ARAP3: variants seen among roughly 807,000 people sequenced by gnomAD.
The protein encoded by ARAP3 is arf-GAP with Rho-GAP domain, ANK repeat and PH domain-containing protein 3.
A neutral mutation model predicts 169.2 loss-of-function variants in ARAP3; 82 were observed. The observed-to-expected ratio is 0.48, with a 90% CI of 0.41 to 0.58. ARAP3 has a LOEUF of 0.58. ARAP3 is among the 20% of genes least tolerant of loss of function. The pLI is 0.00. For missense variants in ARAP3, 1,764 were observed against 2,018.0 expected (o/e 0.87, Z 2.41); for synonymous variants, 791 against 800.3 (o/e 0.99, Z 0.20).
At chr5:141,665,513 C>G (rs569863644) in intron 17 of ARAP3, 139 bp from the exon 18 acceptor site, 1 of 793,870 alleles carries the variant, frequency 1.3e-6, no homozygotes, top group African/African-American at 1.7e-5. Flanking sequence ...GAGTTATGTA[C>G]TATTATTCCC....
chr5:141,662,211 G>A lies in ARAP3; in HGVS notation c.2845C>T (p.Arg949Cys), dbSNP rs1054559355. ...AACTCAGCCAGGAGTCTCAGGCTGC[G>A]GGCACGAGCGCCCCCTTTCCGGTAT... ...GVYRKGGARA[R>C]SLRLLAEFRR... Residue 949 changes from arginine to cysteine, a missense_variant, in exon 20 of 33, where the codon CGC becomes TGC. Arg to Cys is a radical substitution (Grantham distance 180, BLOSUM62 -3). Transcript: ENST00000239440. 21 of 1,614,078 alleles carry A rather than the reference G, an allele frequency of 1.3e-5. No homozygotes were observed. The highest frequency in any genetic ancestry group is 3.3e-5 in the Admixed American group (2 of 60,004).
At position 141,669,800 on chromosome 5, in the gene ARAP3, G is replaced by GA. The variant is rs775041679; in HGVS notation, c.2260dup (p.Ser754PhefsTer3). ...CCCCCCAGCGAGGATGAGCTCAAAG[G>GA]AAAAGGGGAACCTGGAGAGAAGATG... On this transcript the variant is annotated frameshift_variant, in exon 16 of 33. Coordinates refer to ENST00000239440, the MANE Select transcript of ARAP3 (RefSeq NM_022481.6). LOFTEE classifies it high-confidence loss of function. The GA allele has an allele frequency of 6.2e-7, 1 of 1,614,150 alleles. No homozygotes were observed. The highest frequency in any genetic ancestry group is 1.3e-5 in the African/African-American group (1 of 75,042).
chr5:141,662,925 A>G (rs2099910158), intron 19 of ARAP3, among the ~76,000 whole-genome samples: 1 of 152,210 alleles, frequency 6.6e-6, no homozygotes, highest in African/African-American at 2.4e-5. Context: ...TATATATAAA[A>G]TAAGGTCTCT....
rs1562398900 is a variant in ARAP3, at chr5:141,653,566, A to G, written c.*384T>C. The G allele has an allele frequency of 6.2e-6, 1 of 160,886 alleles. No homozygotes were observed. The highest frequency in any genetic ancestry group is 1.4e-5 in the Non-Finnish European group (1 of 73,982). The allele number at this position is 160,886 out of a possible 1,614,324, so 10.0% of individuals were successfully genotyped here. ...CACCCAGGCCTCTGGTTTCCAAAGCATTTTTTTTCTTTAATGCAGTAAAAC... is the reference window on the plus strand; with the variant it reads ...CACCCAGGCCTCTGGTTTCCAAAGCGTTTTTTTTCTTTAATGCAGTAAAAC... On this transcript the variant is annotated 3_prime_UTR_variant, in exon 33 of 33. Transcript: ENST00000239440.
chr5:141,656,394 G>A, intron 27 of ARAP3, 110 bp downstream of exon 27: 2 of 1,588,090 alleles, frequency 1.3e-6, no homozygotes, highest in African/African-American at 1.3e-5. Flanking sequence ...CGGGGGCAGG[G>A]AAGCAATGAG....
chr5:141,667,621 G>T (rs2099910844), intron 16 of ARAP3, among the ~76,000 whole-genome samples: 1 of 150,174 alleles, frequency 6.7e-6, no homozygotes, highest in South Asian at 2.1e-4. Context: ...TAGAGACGGG[G>T]TTTCACCATG....
Position 141,672,343 on chromosome 5 carries a change from C to T in ARAP3, c.1386-42G>A, listed in dbSNP as rs1224335210. On this transcript the variant is annotated intron_variant, in intron 9 of 32. Transcript: ENST00000239440. This position sits in a 1 kb window ranked among gnomAD's most constrained non-coding sequence, Gnocchi z 4.9. ...CAGTCCATGGGCATGGACCTACCTGCCATGTCCCATCCCCCTGGCTCTTCC... is the reference window on the plus strand; with the variant it reads ...CAGTCCATGGGCATGGACCTACCTGTCATGTCCCATCCCCCTGGCTCTTCC... 1.2e-6 allele frequency: 2 copies of T among 1,607,038 alleles called. No individual in the cohort carries two copies. The highest frequency in any genetic ancestry group is 1.7e-6 in the Non-Finnish European group (2 of 1,176,340).
At chr5:141,659,369 T>C in intron 23 of ARAP3, 39 bp downstream of exon 23, 4 of 1,590,788 alleles carry the variant, frequency 2.5e-6, no homozygotes, top group Non-Finnish European at 3.5e-6. Context: ...TGATGTCTCC[T>C]CCTGCCCCAT....
chr5:141,677,213 CTAT>C (rs2099912291), intron 4 of ARAP3, among the ~76,000 whole-genome samples: 1 of 152,104 alleles, frequency 6.6e-6, no homozygotes, highest in Non-Finnish European at 1.5e-5. Context: ...ATAAAAATTA[CTAT>C]TTTTTACTAC....
At chr5:141,670,873 C>T (rs1370470758) in intron 13 of ARAP3, among the ~76,000 whole-genome samples, 5 of 152,240 alleles carry the variant, frequency 3.3e-5, no homozygotes, top group Non-Finnish European at 7.3e-5. Flanking sequence ...AGCCAGCCAA[C>T]CAGGCTCTTA....
chr5:141,673,839 C>T (rs199935005), intron 4 of ARAP3, 31 bp from the exon 5 acceptor site: 69 of 1,609,456 alleles, frequency 4.3e-5, no homozygotes, highest in Admixed American at 2.7e-4. Context: ...GAGGGACACA[C>T]ATTAGACAAG....
At chr5:141,664,528 C>G (rs2099910385) in intron 19 of ARAP3, among the ~76,000 whole-genome samples, 1 of 152,232 alleles carries the variant, frequency 6.6e-6, no homozygotes, top group Non-Finnish European at 1.5e-5. Context: ...CAGCTCAGCT[C>G]TCACCTCGCA....
intron 4 of ARAP3, among the ~76,000 whole-genome samples, chr5:141,676,596 G>A (rs2099912221): frequency 6.6e-6 from 1 of 152,156 alleles, no homozygotes; most frequent in South Asian, 2.1e-4. Flanking sequence ...CCCCTCAGCA[G>A]CGTAGGACAC....
At chr5:141,680,562 A>T (rs1369473026) in intron 1 of ARAP3, 59 bp from the exon 2 acceptor site, 31 of 1,501,102 alleles carry the variant, frequency 2.1e-5, no homozygotes, top group Non-Finnish European at 2.7e-5. Context: ...TCTCTGCCCC[A>T]GAGTCTGAGG....
chr5:141,661,813 TG>T (rs756128784), intron 20 of ARAP3, 24 bp from the exon 21 acceptor site: 35 of 1,612,004 alleles, frequency 2.2e-5, no homozygotes, highest in Non-Finnish European at 2.8e-5. Context: ...GGAGGAGGGT[TG>T]GGGAGGACCC....
intron 19 of ARAP3, 145 bp from the exon 20 acceptor site, chr5:141,662,400 A>G: frequency 1.3e-6 from 1 of 773,202 alleles, no homozygotes; most frequent in Non-Finnish European, 2.1e-6. Flanking sequence ...CATGTTCTTG[A>G]TTCTCAGGTC....
intron 22 of ARAP3, 88 bp from the exon 23 acceptor site, chr5:141,659,564 G>T: frequency 6.8e-7 from 1 of 1,461,378 alleles, no homozygotes; most frequent in Non-Finnish European, 9.6e-7. Context: ...GTTTAAGAGG[G>T]CTGGAGGCCA....
chr5:141,678,429 T>C (rs2099912502), intron 4 of ARAP3, among the ~76,000 whole-genome samples: 2 of 152,208 alleles, frequency 1.3e-5, no homozygotes, highest in Admixed American at 1.3e-4. Flanking sequence ...TCCCCAGTTA[T>C]CTTCATGGCT....
Position 141,672,925 on chromosome 5 carries a change from G to A in ARAP3, c.1094C>T (p.Ala365Val). The A allele has an allele frequency of 6.2e-7, 1 of 1,611,742 alleles. No individual in the cohort carries two copies. Among genetic ancestry groups the A allele is most frequent in the Non-Finnish European group, 8.5e-7 (1 of 1,178,804 alleles). ...RVFVFRTESE[A>V]QRDMWCSTLQ... ...CGTGGAGCACCACATGTCCCGCTGA[G>A]CTGGTGGGGATGGAGAAGCAGGTCA... Residue 365 changes from alanine to valine, a missense_variant and splice_region_variant, in exon 8 of 33, where the codon GCT becomes GTT. By Grantham distance (64) the Ala-to-Val change is moderately conservative. Around this residue, in one of 3 missense-constraint regions of ARAP3, gnomAD observed 630 missense variants for 678.7 expected, o/e 0.93. Coordinates refer to ENST00000239440, the MANE Select transcript of ARAP3 (RefSeq NM_022481.6). The surrounding 1 kb of genome is among the most constrained non-coding windows in gnomAD (Gnocchi z 4.9).
Sources: gnomAD v4.1 joint callset for allele counts (sites outside exome capture counted in the v4.1 genomes callset) on GRCh38, gnomAD v4.1.1 for gene constraint, gnomAD v4.1.1 regional missense constraint, Gnocchi (gnomAD v3.1) non-coding constraint, MANE v1.5 for transcripts, NCBI Gene and HGNC (gene_info 2026-07-23, HGNC 2026-07-21) for gene names.